Variants in ADARB2 observed in about 807,000 individuals in gnomAD.
ADARB2 encodes the protein adenosine deaminase RNA specific B2 (inactive), also known as inactive double-stranded RNA-specific editase B2.
In ADARB2, 25 loss-of-function variants were observed where a neutral mutation model predicts 62.2. The ratio of observed to expected loss-of-function variants is 0.40; its 90% CI spans 0.29 to 0.56. ADARB2 has a LOEUF of 0.56. Ranked by LOEUF, ADARB2 falls within the 20% of genes least tolerant of loss-of-function variation. ADARB2 has a pLI of 0.43. For missense variants in ADARB2, 1,071 were observed against 1,077.4 expected (o/e 0.99, Z 0.08); for synonymous variants, 572 against 500.8 (o/e 1.14, Z -1.90).
intron 1 of ADARB2, among the ~76,000 whole-genome samples, chr10:1,520,645 T>C (rs943897993): frequency 3.3e-5 from 5 of 152,242 alleles, no homozygotes; most frequent in African/African-American, 1.2e-4. Context: ...AAGAACCACA[T>C]TGCTTAGTTT....
chr10:1,192,263 T>C (rs1216756896), intron 8 of ADARB2, among the ~76,000 whole-genome samples: 1 of 152,318 alleles, frequency 6.6e-6, no homozygotes, highest in Non-Finnish European at 1.5e-5. Flanking sequence ...TGCATTTAAT[T>C]TTGCAGAGTG....
intron 1 of ADARB2, among the ~76,000 whole-genome samples, chr10:1,430,405 A>G (rs1830766896): frequency 6.6e-6 from 1 of 152,246 alleles, no homozygotes; most frequent in Non-Finnish European, 1.5e-5. Context: ...AATTATGCTA[A>G]TTGTAAATGG....
At chr10:1,192,360 C>T (rs1390521317) in intron 8 of ADARB2, among the ~76,000 whole-genome samples, 2 of 152,208 alleles carry the variant, frequency 1.3e-5, no homozygotes, top group East Asian at 3.8e-4. Flanking sequence ...TATGGCCAGA[C>T]ACGCTGCGGG....
intron 1 of ADARB2, among the ~76,000 whole-genome samples, chr10:1,627,215 C>T (rs960720183): frequency 2.6e-5 from 4 of 151,974 alleles, no homozygotes; most frequent in African/African-American, 4.8e-5. Context: ...TGACGAGCCT[C>T]GGATTGATTT....
At chr10:1,459,729 C>G (rs1831143083) in intron 1 of ADARB2, among the ~76,000 whole-genome samples, 1 of 152,148 alleles carries the variant, frequency 6.6e-6, no homozygotes, top group African/African-American at 2.4e-5. Context: ...CCATTACACT[C>G]CAGCCTGGGT....
chr10:1,187,094 C>T (rs544077491), intron 8 of ADARB2, among the ~76,000 whole-genome samples: 1 of 152,372 alleles, frequency 6.6e-6, no homozygotes, highest in Non-Finnish European at 1.5e-5. Flanking sequence ...CTGCTGGCCA[C>T]AGACAGGTGA....
At chr10:1,280,100 G>A (rs1831356955) in intron 3 of ADARB2, among the ~76,000 whole-genome samples, 1 of 152,104 alleles carries the variant, frequency 6.6e-6, no homozygotes, top group Admixed American at 6.5e-5. Context: ...GAGTGAGTGA[G>A]CTCACTCTCC....
intron 8 of ADARB2, among the ~76,000 whole-genome samples, chr10:1,192,337 C>G (rs1035765107): frequency 1.2e-4 from 18 of 152,150 alleles, no homozygotes; most frequent in African/African-American, 4.3e-4. Context: ...AGAGAGATCT[C>G]CTGAGTTTTC....
intron 1 of ADARB2, among the ~76,000 whole-genome samples, chr10:1,575,685 G>A (rs1358851611): frequency 6.6e-6 from 1 of 152,212 alleles, no homozygotes; most frequent in East Asian, 1.9e-4. Flanking sequence ...GGGTGGAGGA[G>A]GGTGGGAGGT....
At position 1,323,024 on chromosome 10, in the gene ADARB2, C is replaced by A. The variant is rs746442281; in HGVS notation, c.1077+40004G>T. Among the ~76,000 whole-genome samples the A allele has an allele frequency of 4.8e-4, 73 of 151,964 alleles. 1 individual carries two copies. Among genetic ancestry groups the A allele is most frequent in the Admixed American group, 9.8e-4 (15 of 15,262 alleles). ...GTTATTAGAATCAGGAAAACAGTAC[C>A]CTTCTTTGGTTGGTTAGTGGAAAGT... is the stretch of plus-strand genomic sequence containing the variant. On this transcript the variant is annotated intron_variant, in intron 3 of 9. Coordinates refer to ENST00000381312, the MANE Select transcript of ADARB2 (RefSeq NM_018702.4).
At chr10:1,276,746 C>T in intron 3 of ADARB2, among the ~76,000 whole-genome samples, 2 of 152,144 alleles carry the variant, frequency 1.3e-5, no homozygotes, top group Non-Finnish European at 2.9e-5. Flanking sequence ...CAGCTCTGCA[C>T]CAAGCAGACC....
intron 1 of ADARB2, among the ~76,000 whole-genome samples, chr10:1,625,912 C>CCTGACCCTGT (rs1833760445): frequency 6.0e-5 from 9 of 150,534 alleles, no homozygotes; most frequent in African/African-American, 2.0e-4. Flanking sequence ...CCTGACCCTG[C>CCTGACCCTGT]GCTCTCTCCT....
At chr10:1,551,541 C>T (rs866264550) in intron 1 of ADARB2, among the ~76,000 whole-genome samples, 4 of 152,198 alleles carry the variant, frequency 2.6e-5, no homozygotes, top group Admixed American at 6.5e-5. Flanking sequence ...TCCCTCTGCC[C>T]GCCCTTCCTG....
At chr10:1,532,774 TCACTC>T (rs1832264500) in intron 1 of ADARB2, among the ~76,000 whole-genome samples, 1 of 152,164 alleles carries the variant, frequency 6.6e-6, no homozygotes, top group Admixed American at 6.5e-5. Flanking sequence ...AATCGCACCT[TCACTC>T]TGGGCAGGTG....
intron 1 of ADARB2, among the ~76,000 whole-genome samples, chr10:1,467,953 G>A (rs1263479551): frequency 3.9e-5 from 6 of 152,130 alleles, no homozygotes; most frequent in African/African-American, 7.2e-5. Context: ...CTCCCCCACC[G>A]CAGGGATTGA....
chr10:1,676,017 G>C (rs556989943), intron 1 of ADARB2: 4 of 985,356 alleles, frequency 4.1e-6, no homozygotes, highest in African/African-American at 1.7e-5. Context: ...GTAAGAGGCT[G>C]TGAGTCAGGG....
At chr10:1,445,585 T>G (rs966388972) in intron 1 of ADARB2, among the ~76,000 whole-genome samples, 1 of 152,274 alleles carries the variant, frequency 6.6e-6, no homozygotes, top group Admixed American at 6.5e-5. Context: ...ACATGTTGCA[T>G]GTACTCACTA....
At chr10:1,626,356 TGGACCTC>T (rs1288673727) in intron 1 of ADARB2, among the ~76,000 whole-genome samples, 47 of 124,006 alleles carry the variant, frequency 3.8e-4, no homozygotes, top group Admixed American at 6.1e-4. Flanking sequence ...AGGCCTCCAC[TGGACCTC>T]GGATGCTAAC....
chr10:1,365,395 C>G (rs1189407948), intron 2 of ADARB2, among the ~76,000 whole-genome samples: 1 of 152,130 alleles, frequency 6.6e-6, no homozygotes, highest in Non-Finnish European at 1.5e-5. Flanking sequence ...CCCTGAGAAG[C>G]CCCAATATTG....
Sources: gnomAD v4.1 joint callset for allele counts (sites outside exome capture counted in the v4.1 genomes callset) on GRCh38, gnomAD v4.1.1 for gene constraint, MANE v1.5 for transcripts, NCBI Gene and HGNC (gene_info 2026-07-23, HGNC 2026-07-21) for gene names.